Variants in AJUBA observed in about 807,000 individuals in gnomAD.
The protein encoded by AJUBA is ajuba LIM protein.
Under a neutral mutation model 53.3 loss-of-function variants are expected in AJUBA, and 20 were observed. The observed-to-expected ratio is 0.38, with a 90% CI of 0.26 to 0.55. The LOEUF (loss-of-function observed/expected upper bound fraction) is 0.55, where lower values mean the gene tolerates loss of function less well. AJUBA is among the 20% of genes least tolerant of loss of function. AJUBA has a pLI of 0.80. For missense variants in AJUBA, 580 were observed against 730.5 expected (o/e 0.79, Z 2.38); for synonymous variants, 296 against 306.2 (o/e 0.97, Z 0.35).
In AJUBA at chr14:22,978,200, G is replaced by A. The variant is rs549499143; in HGVS notation, c.1108+144C>T. On this transcript the variant is annotated intron_variant, in intron 2 of 7. Coordinates refer to ENST00000262713, the MANE Select transcript of AJUBA (RefSeq NM_032876.6). ...GAAGCAAGAGAGGCAGAGCAGCTGCGGACCTCCAGACACTTGGTGGGGATC... is the reference window on the plus strand; with the variant it reads ...GAAGCAAGAGAGGCAGAGCAGCTGCAGACCTCCAGACACTTGGTGGGGATC... 36 of 708,382 alleles carry A rather than the reference G, an allele frequency of 5.1e-5. No individual in the cohort carries two copies. In the Admixed American group the frequency reaches 5.9e-4, roughly 12 times the overall value. 43.9% of individuals were successfully genotyped at this position (708,382 alleles called of 1,614,324 possible).
intron 7 of AJUBA, 58 bp from the exon 8 acceptor site, chr14:22,973,626 C>G: frequency 6.2e-7 from 1 of 1,601,752 alleles, no homozygotes; most frequent in Non-Finnish European, 8.5e-7. Flanking sequence ...CTGAGGGTAT[C>G]TTAGGAGTCT....
Position 22,976,525 on chromosome 14 carries a change from TA to T in AJUBA, c.1177-8del. ...CCTCCTGAAACCCTGAAAACTAAAG[TA>T]AAAGACAAGACGAACGGAGGCTGTT... is the stretch of plus-strand genomic sequence containing the variant. On this transcript the variant is annotated splice_polypyrimidine_tract_variant and splice_region_variant and intron_variant, in intron 3 of 7. Transcript: ENST00000262713. 1.2e-6 allele frequency: 2 copies of T among 1,614,002 alleles called. No individual in the cohort carries two copies. The highest frequency in any genetic ancestry group is 2.2e-5 in the South Asian group (2 of 91,066).
intron 4 of AJUBA, chr14:22,975,980 T>C (rs1021153227): frequency 7.8e-5 from 12 of 154,374 alleles, no homozygotes; most frequent in Non-Finnish European, 1.6e-4. Context: ...CTGGCCAACA[T>C]GGCAAAACCT....
chr14:22,973,364 T>C lies in AJUBA; in HGVS notation c.*79A>G. The C allele has an allele frequency of 1.9e-6, 3 of 1,544,792 alleles. No individual in the cohort carries two copies. Among genetic ancestry groups the C allele is most frequent in the Non-Finnish European group, 2.6e-6 (3 of 1,142,480 alleles). On this transcript the variant is annotated 3_prime_UTR_variant, in exon 8 of 8. Coordinates refer to ENST00000262713, the MANE Select transcript of AJUBA (RefSeq NM_032876.6). ...CTGCCAGGCCTGCAGAGTGCATTCT[T>C]TGCCTTGGCTGGCCTCAGAGGGGCC... is the stretch of plus-strand genomic sequence containing the variant.
rs2045064907 is a variant in AJUBA at position 22,979,160 on chromosome 14, GA to G, written c.1007-716del. 9.2e-6 allele frequency: 11 copies of G among 1,198,842 alleles called. No homozygotes were observed. In the South Asian group the frequency reaches 1.7e-4, roughly 18 times the overall value. The allele number at this position is 1,198,842 out of a possible 1,614,324, so 74.3% of individuals were successfully genotyped here. On this transcript the variant is annotated intron_variant, in intron 1 of 7. Transcript: ENST00000262713. This position sits in a 1 kb window ranked among gnomAD's most constrained non-coding sequence, Gnocchi z 4.0. ...CACCTTCTATCATGGGAAGAATACA[GA>G]ACTGAACTGCTTGCTATTCCCCAAA...
At chr14:22,974,221 C>A in intron 6 of AJUBA, 106 bp from the exon 7 acceptor site, 3 of 1,175,488 alleles carry the variant, frequency 2.6e-6, no homozygotes, top group Non-Finnish European at 3.8e-6. Flanking sequence ...ATACAAATGC[C>A]CCCAGAGTCT....
chr14:22,975,340 C>T, intron 4 of AJUBA: 1 of 487,758 alleles, frequency 2.1e-6, no homozygotes, highest in Non-Finnish European at 3.6e-6. Flanking sequence ...ATCACCTAGG[C>T]AGCTTTTAAA....
At position 22,981,924 on chromosome 14, in the gene AJUBA, C is replaced by T; in HGVS notation, c.343G>A (p.Ala115Thr). The T allele has an allele frequency of 6.4e-7, 1 of 1,556,004 alleles. No individual in the cohort carries two copies. The highest frequency in any genetic ancestry group is 8.6e-7 in the Non-Finnish European group (1 of 1,156,460). The change falls in exon 1 of 8, where the codon GCC becomes ACC. Residue 115 changes from alanine to threonine, a missense_variant. Ala to Thr is a moderately conservative substitution (Grantham distance 58). Around this residue, in one of 2 missense-constraint regions of AJUBA, gnomAD observed 430 missense variants for 471.5 expected, o/e 0.91. Transcript: ENST00000262713. ...LPPDFRLEPT[A>T]PALSPRSSFA... is the part of the protein sequence containing the mutation. ...CTAGAGCGGGGGCTGAGGGCCGGGGCCGTGGGCTCCAGCCGAAAATCGGGG... is the reference window on the plus strand; with the variant it reads ...CTAGAGCGGGGGCTGAGGGCCGGGGTCGTGGGCTCCAGCCGAAAATCGGGG...
At chr14:22,978,275 C>G (rs1384479742) in intron 2 of AJUBA, 69 bp downstream of exon 2, 18 of 1,430,486 alleles carry the variant, frequency 1.3e-5, no homozygotes, top group Non-Finnish European at 1.7e-5. Context: ...TCCTCCTGTT[C>G]CCCATAGCAC....
chr14:22,981,443 C>A lies in AJUBA; in HGVS notation c.824G>T (p.Arg275Leu), dbSNP rs1466344704. ...TGYGDCAVGA[R>L]YQDELTALLR... ...CAAAGCTGTTAGCTCGTCCTGGTAC[C>A]GGGCGCCCACGGCGCAGTCCCCGTA... The change falls in exon 1 of 8, where the codon CGG becomes CTG. Residue 275 changes from arginine to leucine, a missense_variant. Physicochemically the swap from Arg to Leu is moderately radical, Grantham distance 102. Transcript: ENST00000262713. 1.2e-6 allele frequency: 2 copies of A among 1,610,500 alleles called. No homozygotes were observed. The highest frequency in any genetic ancestry group is 1.3e-5 in the African/African-American group (1 of 74,920).
Position 22,979,087 on chromosome 14 carries a change from T to C in AJUBA, c.1007-642A>G. 1 of 1,285,904 alleles carries C rather than the reference T, an allele frequency of 7.8e-7. No homozygotes were observed. The highest frequency in any genetic ancestry group is 1.0e-6 in the Non-Finnish European group (1 of 987,354). The allele number at this position is 1,285,904 out of a possible 1,614,324, so 79.7% of individuals were successfully genotyped here. A position where few individuals can be genotyped will look rare whatever the true frequency, so the allele number is the denominator to read the frequency against. ...GCAGGGTGTGTTCCAGGAACCAGGG[T>C]TGAACAGGAAAGCAGGGAGAGTAGC... On this transcript the variant is annotated intron_variant, in intron 1 of 7. Transcript: ENST00000262713. The surrounding 1 kb of genome is among the most constrained non-coding windows in gnomAD (Gnocchi z 4.0).
chr14:22,980,508 G>T, intron 1 of AJUBA: 1 of 763,922 alleles, frequency 1.3e-6, no homozygotes, highest in Non-Finnish European at 1.6e-6. Flanking sequence ...AGGTAATGGT[G>T]TCCCAGTAGT....
At chr14:22,981,182 C>T in intron 1 of AJUBA, 79 bp downstream of exon 1, 2 of 1,494,560 alleles carry the variant, frequency 1.3e-6, no homozygotes, top group Non-Finnish European at 1.8e-6. Context: ...GGGGCACCGG[C>T]ACTTTGGGCC....
chr14:22,975,259 A>G, intron 4 of AJUBA, 155 bp from the exon 5 acceptor site: 1 of 1,069,822 alleles, frequency 9.3e-7, no homozygotes. Flanking sequence ...CGTAAAATGG[A>G]GGCGGAGACC....
Position 22,982,228 on chromosome 14 carries a change from C to A in AJUBA, c.39G>T (p.Glu13Asp), listed in dbSNP as rs760134095. 5.6e-6 allele frequency: 9 copies of A among 1,614,012 alleles called. No individual in the cohort carries two copies. The highest frequency in any genetic ancestry group is 7.6e-6 in the Non-Finnish European group (9 of 1,179,922). Residue 13 changes from glutamate to aspartate, a missense_variant, in exon 1 of 8, where the codon GAG (glutamate) becomes GAT (aspartate). Transcript: ENST00000262713. ...ATTCACCCTTTCTGCGGCCGAACTTCTCCAGCAGGCGACTGGCTTTCTCTC... is the reference window on the plus strand; with the variant it reads ...ATTCACCCTTTCTGCGGCCGAACTTATCCAGCAGGCGACTGGCTTTCTCTC... ...RLGEKASRLL[E>D]KFGRRKGESS...
chr14:22,979,875 T>C lies in AJUBA; in HGVS notation c.1006+1386A>G, dbSNP rs1423832010. ...CAAAAAGACTTCTTTACTAGCCACC[T>C]CTCCTGGGCCTCAAAATGAAACTGC... On this transcript the variant is annotated intron_variant, in intron 1 of 7. Transcript: ENST00000262713. The surrounding 1 kb of genome is among the most constrained non-coding windows in gnomAD (Gnocchi z 4.0). Among the ~76,000 whole-genome samples, 2 of 151,820 alleles carry C rather than the reference T, an allele frequency of 1.3e-5. No homozygotes were observed. Among genetic ancestry groups the C allele is most frequent in the East Asian group, 1.9e-4 (1 of 5,164 alleles).
At chr14:22,978,239 G>T in intron 2 of AJUBA, 105 bp downstream of exon 2, 1 of 1,089,804 alleles carries the variant, frequency 9.2e-7, no homozygotes, top group Non-Finnish European at 1.3e-6. Context: ...CAGCTGCTCT[G>T]TGAGCAAATG....
chr14:22,981,206 AG>A, intron 1 of AJUBA, 54 bp downstream of exon 1: 1 of 1,526,412 alleles, frequency 6.6e-7, no homozygotes. Flanking sequence ...GGGGCAGTGG[AG>A]AACCGAATAC....
Position 22,975,176 on chromosome 14 carries a change from A to G in AJUBA, c.1240-72T>C, listed in dbSNP as rs937626353. On this transcript the variant is annotated intron_variant, in intron 4 of 7. Coordinates refer to ENST00000262713, the MANE Select transcript of AJUBA (RefSeq NM_032876.6). ...TCTCCAGCTGCCCATTATGCTCCTT[A>G]TTACTCCCATTAACCTCATCCAACC... 2.6e-6 allele frequency: 4 copies of G among 1,558,576 alleles called. No individual in the cohort carries two copies. In the African/African-American group the frequency reaches 5.4e-5, roughly 21 times the overall value.
Sources: allele counts gnomAD v4.1 joint callset (sites outside exome capture counted in the v4.1 genomes callset), GRCh38; gene constraint gnomAD v4.1.1; regional missense constraint gnomAD v4.1.1; non-coding constraint Gnocchi (gnomAD v3.1); transcripts MANE v1.5; gene names NCBI Gene and HGNC (gene_info 2026-07-23, HGNC 2026-07-21).